The following CEP72 variants were observed in gnomAD, a reference collection of about 807,000 sequenced individuals.
The protein encoded by CEP72 is centrosomal protein 72.
CEP72 carries 78 observed loss-of-function variants against 65.7 expected under a neutral mutation model. The observed-to-expected ratio is 1.19, with a 90% CI of 0.99 to 1.43. The LOEUF is 1.43. CEP72 is among the 40% of genes most tolerant of loss of function. The probability of loss-of-function intolerance (pLI) is 0.00; values close to 1 mark genes in which losing one functional copy is unlikely to be tolerated. For synonymous variants in CEP72, 358 were observed against 351.7 expected, an observed-to-expected ratio of 1.02 and a Z score of -0.20; for missense variants, 914 against 832.9, an observed-to-expected ratio of 1.10 and a Z score of -1.20.
chr5:634,826 C>G (rs1737478756), intron 5 of CEP72, among the ~76,000 whole-genome samples: 1 of 152,208 alleles, frequency 6.6e-6, no homozygotes, highest in African/African-American at 2.4e-5. Context: ...ATTATCTGAA[C>G]AGTGCTTTGA....
Position 635,575 on chromosome 5 carries a change from C to G in CEP72, c.895C>G (p.Pro299Ala). 3.7e-6 allele frequency: 6 copies of G among 1,611,748 alleles called. No individual in the cohort carries two copies. The highest frequency in any genetic ancestry group is 5.1e-6 in the Non-Finnish European group (6 of 1,178,226). The change falls in exon 6 of 12, where the codon CCA (proline) becomes GCA (alanine). Residue 299 changes from proline (P) to alanine (A), a missense_variant. Pro to Ala is a conservative substitution (Grantham distance 27). Coordinates refer to ENST00000264935, the MANE Select transcript of CEP72 (RefSeq NM_018140.4). ...RAPRPHTYFTPHPDSMDTEDS... is the reference protein window; with the variant it reads ...RAPRPHTYFTAHPDSMDTEDS... Reference sequence around the variant, plus strand: ...CCCCAGGCCACACACGTACTTCACCCCACACCCAGGTACTTACGCGTGTCT... The same window carrying G: ...CCCCAGGCCACACACGTACTTCACCGCACACCCAGGTACTTACGCGTGTCT...
chr5:667,593 C>T (rs1739974459), downstream of CEP72, among the ~76,000 whole-genome samples: 1 of 152,172 alleles, frequency 6.6e-6, no homozygotes, highest in African/African-American at 2.4e-5. Context: ...AAACTCTGCT[C>T]TCAGAAGACA....
At chr5:651,308 G>GTGTGACTGTGAGGCGTGGACTGTGAGA (rs1739064003) in intron 11 of CEP72, among the ~76,000 whole-genome samples, 2 of 81,834 alleles carry the variant, frequency 2.4e-5, no homozygotes, top group Admixed American at 2.6e-4. Context: ...TGACTGTGAG[G>GTGTGACTGTGAGGCGTGGACTGTGAGA]TGTGACTGTG....
rs897538485 is a variant in CEP72, at chr5:647,836, C to T, written c.1698C>T (p.Gly566=). The change falls in exon 11 of 12, where the codon GGC becomes GGT. Residue 566 remains glycine, a synonymous_variant. Coordinates refer to ENST00000264935, the MANE Select transcript of CEP72 (RefSeq NM_018140.4). ...AAACAAGTGTGAAGAGGCTGTGTGG[C>T]GAGATTGTGGAACTGAAGCAGCACC... ...GLQTSVKRLC[G]EIVELKQHLE... is the part of the protein sequence containing the mutation. 17 of 1,611,802 alleles carry T rather than the reference C, an allele frequency of 1.1e-5. No individual in the cohort carries two copies. The highest frequency in any genetic ancestry group is 3.3e-4 in the Middle Eastern group (2 of 6,050).
At chr5:667,895 T>C (rs60018630), downstream of CEP72, among the ~76,000 whole-genome samples, 4,791 of 32,192 alleles carry the variant, frequency 0.15, 661 homozygotes, top group African/African-American at 0.39. Flanking sequence ...GAGGGGGCCG[T>C]GTGGGCGCCG....
At chr5:635,273 C>G in intron 5 of CEP72, 99 bp from the exon 6 acceptor site, 1 of 909,130 alleles carries the variant, frequency 1.1e-6, no homozygotes, top group Non-Finnish European at 1.7e-6. Flanking sequence ...CTCGGTCTAA[C>G]AGATACCATA....
At chr5:667,071 C>T (rs1739947621) in exon 5 of CEP72, 1 of 147,334 alleles carries the variant, frequency 6.8e-6, no homozygotes, top group African/African-American at 2.7e-5. Context: ...ACAAATGACC[C>T]ATAAAACCCC....
downstream of CEP72, among the ~76,000 whole-genome samples, chr5:654,277 T>G (rs1326215623): frequency 2.1e-5 from 3 of 146,188 alleles, no homozygotes; most frequent in Admixed American, 2.0e-4. Flanking sequence ...GCTTGTGCGC[T>G]TGCTGTGTGT....
chr5:670,190 C>T, downstream of CEP72, among the ~76,000 whole-genome samples: 1 of 152,156 alleles, frequency 6.6e-6, no homozygotes, highest in Non-Finnish European at 1.5e-5. Context: ...GAGGCCTGTT[C>T]CTCCGGGGCG....
rs1475990180 is a variant in CEP72, at chr5:650,333, G to A, written c.1778+2417G>A. Among the ~76,000 whole-genome samples the A allele has an allele frequency of 8.0e-3, 837 of 104,070 alleles. 8 individuals are homozygous for A. The highest frequency in any genetic ancestry group is 0.02 in the East Asian group (54 of 2,688). The allele number at this position is 104,070 out of a possible 152,430, so 68.3% of individuals were successfully genotyped here. A position where few individuals can be genotyped will look rare whatever the true frequency, so the allele number is the denominator to read the frequency against. The stretch of plus-strand genomic sequence containing the variant: ...GTGACTGTGAGGCGTGGACTGTGAG[G>A]TGTGACTGTGAGGCGTGGACTGTGA... On this transcript the variant is annotated intron_variant, in intron 11 of 11. Coordinates refer to ENST00000264935, the MANE Select transcript of CEP72 (RefSeq NM_018140.4).
chr5:619,235 T>A, intron 2 of CEP72, 118 bp downstream of exon 2: 1 of 866,086 alleles, frequency 1.2e-6, no homozygotes, highest in Non-Finnish European at 1.8e-6. Flanking sequence ...ACGGTACACT[T>A]TGTGTTGCGT....
intron 1 of CEP72, chr5:612,669 C>T (rs1206043723): frequency 1.1e-6 from 1 of 950,222 alleles, no homozygotes; most frequent in African/African-American, 2.0e-5. Context: ...GTCCCGGCCC[C>T]TGCCTGTCTA....
rs141765251 is a variant in CEP72 at position 615,642 on chromosome 5, A to T, written c.82+3199A>T. On this transcript the variant is annotated intron_variant, in intron 1 of 11. Coordinates refer to ENST00000264935, the MANE Select transcript of CEP72 (RefSeq NM_018140.4). ...TTCACTCTGCTAATCTCTGTCTTGT[A>T]GTAGTGTTTTAGGCCATTTACATTT... Among the ~76,000 whole-genome samples the T allele has an allele frequency of 2.6e-3, 400 of 152,246 alleles. 1 individual carries two copies. The highest frequency in any genetic ancestry group is 0.017 in the East Asian group (86 of 5,186).
At chr5:614,624 G>C (rs1457438615) in intron 1 of CEP72, among the ~76,000 whole-genome samples, 1 of 151,826 alleles carries the variant, frequency 6.6e-6, no homozygotes, top group Non-Finnish European at 1.5e-5. Flanking sequence ...GCCTCCCAAA[G>C]TGCTGGGATT....
rs1561037780 is a variant in CEP72, at chr5:628,890, TCCCTGGGGAGTGG to T, written c.512+4315_512+4327del. On this transcript the variant is annotated intron_variant, in intron 4 of 11. Transcript: ENST00000264935. ...GCGTTCTGGAGAACTCAGGTTGCCG[TCCCTGGGGAGTGG>T]CCCCAGGACCCAGCCCCCTTCTTTG... 3.8e-4 allele frequency among the ~76,000 whole-genome samples: 40 copies of T among 106,498 alleles called. 2 individuals carry two copies. Among genetic ancestry groups the T allele is most frequent in the African/African-American group, 1.6e-3 (38 of 23,888 alleles). 69.9% of individuals were successfully genotyped at this position (106,498 alleles called of 152,430 possible).
intron 11 of CEP72, among the ~76,000 whole-genome samples, chr5:649,462 T>C (rs1252650979): frequency 4.6e-4 from 13 of 28,492 alleles, no homozygotes; most frequent in African/African-American, 5.7e-4. Context: ...GACTGTGAGG[T>C]GTGACTGTGA....
the CEP72 span, among the ~76,000 whole-genome samples, chr5:675,323 CGGGGGT>C: frequency 5.1e-5 from 2 of 39,008 alleles, no homozygotes; most frequent in African/African-American, 1.1e-4. Flanking sequence ...ACAGTGTGGC[CGGGGGT>C]GCAGTGTGGC....
chr5:655,929 G>T (rs1261462131), downstream of CEP72, among the ~76,000 whole-genome samples: 1 of 152,146 alleles, frequency 6.6e-6, no homozygotes, highest in Non-Finnish European at 1.5e-5. This position sits in a 1 kb window ranked among gnomAD's most constrained non-coding sequence, Gnocchi z 5.0. Context: ...ATGGCCCAAT[G>T]TATCAATATT....
chr5:648,030 T>G, intron 11 of CEP72, 114 bp downstream of exon 11: 1 of 646,376 alleles, frequency 1.5e-6, no homozygotes, highest in Non-Finnish European at 2.8e-6. Flanking sequence ...TCCTCATGAG[T>G]CTTGGCCGAT....
Sources: allele counts gnomAD v4.1 joint callset (sites outside exome capture counted in the v4.1 genomes callset), GRCh38; gene constraint gnomAD v4.1.1; non-coding constraint Gnocchi (gnomAD v3.1); transcripts MANE v1.5; gene names NCBI Gene and HGNC (gene_info 2026-07-23, HGNC 2026-07-21).